BBS4: variants seen among roughly 807,000 people sequenced by gnomAD.
BBS4 encodes Bardet-Biedl syndrome 4.
A neutral mutation model predicts 71.4 loss-of-function variants in BBS4; 58 were observed. The ratio of observed to expected loss-of-function variants is 0.81; its 90% CI spans 0.66 to 1.01. The LOEUF (loss-of-function observed/expected upper bound fraction) is 1.01. Among genes scored for constraint, BBS4 ranks in the 50% least tolerant of loss-of-function variants. BBS4 has a pLI of 0.00. For missense variants in BBS4, 660 were observed against 607.9 expected, an observed-to-expected ratio of 1.09 and a Z score of -0.90; for synonymous variants, 228 against 216.8, an observed-to-expected ratio of 1.05 and a Z score of -0.46.
chr15:72,716,071 A>G (rs992582830), intron 5 of BBS4, among the ~76,000 whole-genome samples: 6 of 150,686 alleles, frequency 4.0e-5, no homozygotes, highest in Non-Finnish European at 9.0e-5. Context: ...AGGCTAGGCT[A>G]TCTATGATGT....
intron 12 of BBS4, among the ~76,000 whole-genome samples, chr15:72,732,557 G>T (rs2065846181): frequency 6.6e-6 from 1 of 152,010 alleles, no homozygotes; most frequent in Non-Finnish European, 1.5e-5. Context: ...ATTACTGTGG[G>T]TTCTTATTTA....
chr15:72,719,508 G>C (rs1221896749), intron 6 of BBS4, among the ~76,000 whole-genome samples: 1 of 151,920 alleles, frequency 6.6e-6, no homozygotes, highest in Non-Finnish European at 1.5e-5. Flanking sequence ...TAGCTTCCCA[G>C]AGTGCTGGGA....
chr15:72,718,747 T>C (rs1234748673), intron 6 of BBS4, among the ~76,000 whole-genome samples: 3 of 152,178 alleles, frequency 2.0e-5, no homozygotes. Flanking sequence ...AGATGGACTG[T>C]TGGATTATAA....
intron 6 of BBS4, among the ~76,000 whole-genome samples, chr15:72,717,893 G>A (rs1401165575): frequency 6.6e-6 from 1 of 152,170 alleles, no homozygotes; most frequent in Non-Finnish European, 1.5e-5. Flanking sequence ...CTGTTGCCCA[G>A]GCTGGAGTGC....
intron 5 of BBS4, among the ~76,000 whole-genome samples, chr15:72,715,716 AT>A (rs2065456684): frequency 6.6e-6 from 1 of 152,136 alleles, no homozygotes; most frequent in African/African-American, 2.4e-5. Context: ...AATCCTTGGA[AT>A]TTTTCTCATC....
intron 3 of BBS4, among the ~76,000 whole-genome samples, chr15:72,710,484 G>A (rs1209153282): frequency 6.6e-6 from 1 of 152,134 alleles, no homozygotes; most frequent in Non-Finnish European, 1.5e-5. Context: ...ACAGGCGTGA[G>A]CCACCGTGCC....
chr15:72,712,777 A>T (rs2065398825), intron 4 of BBS4, among the ~76,000 whole-genome samples: 1 of 152,236 alleles, frequency 6.6e-6, no homozygotes, highest in Non-Finnish European at 1.5e-5. Context: ...ACTAATGTAG[A>T]CTTTATGTTG....
intron 6 of BBS4, among the ~76,000 whole-genome samples, chr15:72,720,755 C>T (rs1453919600): frequency 2.6e-5 from 4 of 152,126 alleles, no homozygotes; most frequent in African/African-American, 9.7e-5. Context: ...TAAGATTCCT[C>T]GTCTTAAGAC....
intron 6 of BBS4, 84 bp from the exon 7 acceptor site, chr15:72,722,710 C>A: frequency 7.8e-7 from 1 of 1,280,502 alleles, no homozygotes. Flanking sequence ...CGAGCAATAA[C>A]AATCTCTAGA....
At chr15:72,700,185 G>A (rs1183703637) in intron 2 of BBS4, among the ~76,000 whole-genome samples, 1 of 151,984 alleles carries the variant, frequency 6.6e-6, no homozygotes, top group Non-Finnish European at 1.5e-5. Flanking sequence ...TGATCCGCCC[G>A]CCTCAGCCTC....
intron 14 of BBS4, 98 bp from the exon 15 acceptor site, chr15:72,736,664 T>C: frequency 8.8e-7 from 1 of 1,132,632 alleles, no homozygotes; most frequent in East Asian, 2.5e-5. Flanking sequence ...GACCAGACAC[T>C]ATTTCAGCTA....
intron 6 of BBS4, among the ~76,000 whole-genome samples, chr15:72,720,041 C>CTT (rs1235793757): frequency 1.4e-5 from 2 of 145,066 alleles, no homozygotes; most frequent in Non-Finnish European, 3.0e-5. Flanking sequence ...GAGCCACCAC[C>CTT]TTTTTTTTTT....
chr15:72,737,588 G>C lies in BBS4; in HGVS notation c.*1G>C, dbSNP rs113678046. 3,240 of 1,594,886 alleles carry C rather than the reference G, an allele frequency of 2.0e-3. 65 individuals are homozygous for C. The African/African-American group carries it at 0.037, about 18-fold the overall frequency. On this transcript the variant is annotated 3_prime_UTR_variant, in exon 16 of 16. Coordinates refer to ENST00000268057, the MANE Select transcript of BBS4 (RefSeq NM_033028.5). ...ATCAGAACAAATAAGAGAGAAATAA[G>C]AATAGAATGAATGACCCCAAAATAG...
chr15:72,688,887 A>G lies in BBS4; in HGVS notation c.24+2636A>G, dbSNP rs924904404. 3.3e-5 allele frequency among the ~76,000 whole-genome samples: 5 copies of G among 152,326 alleles called. No homozygotes were observed. The South Asian group carries it at 1.0e-3, about 32-fold the overall frequency. Reference sequence around the variant, plus strand: ...GTAATTGATGACTTCAGATATTTCCATACTGTGGAATATTATGCAGTCATT... The same window carrying G: ...GTAATTGATGACTTCAGATATTTCCGTACTGTGGAATATTATGCAGTCATT... On this transcript the variant is annotated intron_variant, in intron 1 of 15. Coordinates refer to ENST00000268057, the MANE Select transcript of BBS4 (RefSeq NM_033028.5).
At chr15:72,700,316 A>G (rs1171992393) in intron 2 of BBS4, among the ~76,000 whole-genome samples, 1 of 152,156 alleles carries the variant, frequency 6.6e-6, no homozygotes, top group Non-Finnish European at 1.5e-5. Context: ...AGGGAGTGGA[A>G]TTGCTTGGTC....
At chr15:72,737,328 T>G (rs1369894352) in intron 15 of BBS4, 150 bp from the exon 16 acceptor site, 1 of 689,780 alleles carries the variant, frequency 1.4e-6, no homozygotes, top group Non-Finnish European at 2.5e-6. Flanking sequence ...GTTGCTTTAT[T>G]TCTCAGTTAT....
chr15:72,735,292 T>C, intron 13 of BBS4, 110 bp downstream of exon 13: 1 of 828,086 alleles, frequency 1.2e-6, no homozygotes, highest in Non-Finnish European at 2.1e-6. Context: ...TGTTCCTCTA[T>C]GGCATTAGTA....
intron 4 of BBS4, 140 bp from the exon 5 acceptor site, chr15:72,715,151 A>C: frequency 1.5e-6 from 1 of 679,842 alleles, no homozygotes; most frequent in Non-Finnish European, 2.6e-6. Flanking sequence ...GCCATATCTG[A>C]TTGTTTTAAG....
At chr15:72,686,296 C>G (rs1485415266) in intron 1 of BBS4, 45 bp downstream of exon 1, 3 of 1,554,394 alleles carry the variant, frequency 1.9e-6, no homozygotes, top group South Asian at 1.2e-5. Context: ...CAGGGCAAGG[C>G]AAGCTGGCGG....
Sources: allele counts gnomAD v4.1 joint callset (sites outside exome capture counted in the v4.1 genomes callset), GRCh38; gene constraint gnomAD v4.1.1; transcripts MANE v1.5; gene names NCBI Gene and HGNC (gene_info 2026-07-23, HGNC 2026-07-21).